Variants in SCMH1 observed in about 807,000 individuals in gnomAD.
SCMH1 encodes polycomb protein SCMH1.
A neutral mutation model predicts 70.8 loss-of-function variants in SCMH1; 37 were observed. The ratio of observed to expected loss-of-function variants is 0.52; its 90% confidence interval spans 0.40 to 0.69. The LOEUF (loss-of-function observed/expected upper bound fraction) is 0.69, where lower values mean the gene tolerates loss of function less well. SCMH1 is among the 30% of genes least tolerant of loss of function. SCMH1 has a pLI of 0.00. For missense variants in SCMH1, 607 were observed against 827.3 expected, an observed-to-expected ratio of 0.73 and a Z score of 3.27; for synonymous variants, 292 against 307.4, an observed-to-expected ratio of 0.95 and a Z score of 0.52.
At chr1:41,032,038 G>T (rs1027449564) in intron 13 of SCMH1, among the ~76,000 whole-genome samples, 4 of 152,138 alleles carry the variant, frequency 2.6e-5, no homozygotes, top group Non-Finnish European at 5.9e-5. Flanking sequence ...CCCTTTGGCT[G>T]TGCGAGGTTA....
chr1:41,102,084 A>G (rs1666776724), intron 8 of SCMH1, among the ~76,000 whole-genome samples: 1 of 152,242 alleles, frequency 6.6e-6, no homozygotes, highest in Non-Finnish European at 1.5e-5. Context: ...ATTTATCATC[A>G]GATTTCTCGT....
At chr1:41,206,391 T>C (rs772526641) in intron 1 of SCMH1, among the ~76,000 whole-genome samples, 6 of 152,104 alleles carry the variant, frequency 3.9e-5, no homozygotes, top group Non-Finnish European at 8.8e-5. Flanking sequence ...GAGAACTTCA[T>C]GACACATGCA....
At chr1:41,237,785 A>C (rs1451416013) in intron 1 of SCMH1, among the ~76,000 whole-genome samples, 2 of 152,186 alleles carry the variant, frequency 1.3e-5, no homozygotes, top group East Asian at 3.8e-4. Context: ...AAATGCTTAG[A>C]AATGACAGCT....
At chr1:41,051,575 A>T (rs983021313) in intron 10 of SCMH1, among the ~76,000 whole-genome samples, 1 of 152,178 alleles carries the variant, frequency 6.6e-6, no homozygotes, top group Non-Finnish European at 1.5e-5. Flanking sequence ...GATGATCCTG[A>T]TCTTGTGTAG....
intron 13 of SCMH1, among the ~76,000 whole-genome samples, chr1:41,032,928 G>A (rs111423979): frequency 0.078 from 11,677 of 150,118 alleles, 579 homozygotes; most frequent in South Asian, 0.12. Context: ...GCAGTGAGCC[G>A]AGATTGCGCC....
At chr1:41,114,661 TTCTC>T (rs61013208) in intron 7 of SCMH1, among the ~76,000 whole-genome samples, 20 of 148,276 alleles carry the variant, frequency 1.3e-4, no homozygotes, top group South Asian at 6.5e-4. Context: ...AAGATTTCCT[TTCTC>T]TCTCTCTCTC....
chr1:41,206,707 C>T (rs1004889459), intron 1 of SCMH1, among the ~76,000 whole-genome samples: 4 of 152,120 alleles, frequency 2.6e-5, no homozygotes, highest in Admixed American at 6.5e-5. Context: ...CAAAGATACT[C>T]CTTGAGAAGA....
intron 1 of SCMH1, among the ~76,000 whole-genome samples, chr1:41,200,908 A>G (rs1202931934): frequency 6.6e-6 from 1 of 150,950 alleles, no homozygotes; most frequent in Non-Finnish European, 1.5e-5. Context: ...GCGGACAGAT[A>G]AGAGATTACT....
chr1:41,232,044 T>G (rs894308575), intron 1 of SCMH1, among the ~76,000 whole-genome samples: 1 of 151,886 alleles, frequency 6.6e-6, no homozygotes, highest in Admixed American at 6.6e-5. Context: ...AAAAGAAATT[T>G]TATAAAATGT....
At chr1:41,080,397 T>A (rs1198443934) in intron 8 of SCMH1, among the ~76,000 whole-genome samples, 3 of 151,976 alleles carry the variant, frequency 2.0e-5, no homozygotes, top group Admixed American at 6.6e-5. Context: ...ATAACCCTCA[T>A]ACCAAAACAT....
chr1:41,236,792 G>A (rs2148935110), intron 1 of SCMH1, among the ~76,000 whole-genome samples: 1 of 152,238 alleles, frequency 6.6e-6, no homozygotes, highest in Non-Finnish European at 1.5e-5. Context: ...ATTGTTTAGG[G>A]AATAATGACA....
At chr1:41,135,137 C>A (rs938175600) in intron 6 of SCMH1, among the ~76,000 whole-genome samples, 3 of 152,070 alleles carry the variant, frequency 2.0e-5, no homozygotes, top group Non-Finnish European at 2.9e-5. Context: ...TATACATCTG[C>A]ATGTGTGTGT....
chr1:41,184,698 T>C (rs769695477), intron 2 of SCMH1, among the ~76,000 whole-genome samples: 2 of 152,070 alleles, frequency 1.3e-5, no homozygotes, highest in Non-Finnish European at 2.9e-5. Flanking sequence ...TGTGGAGGAT[T>C]GGTTATACAC....
At chr1:41,218,668 T>C (rs1557852068) in intron 1 of SCMH1, among the ~76,000 whole-genome samples, 1 of 152,218 alleles carries the variant, frequency 6.6e-6, no homozygotes, top group Non-Finnish European at 1.5e-5. Context: ...CACCTCTTAA[T>C]ACTACCTAAT....
intron 9 of SCMH1, 110 bp from the exon 10 acceptor site, chr1:41,070,831 T>C: frequency 1.5e-6 from 2 of 1,317,488 alleles, no homozygotes; most frequent in Non-Finnish European, 2.1e-6. Flanking sequence ...GATGGAATAG[T>C]GTTTTATCTT....
chr1:41,156,797 C>T (rs11209596), intron 4 of SCMH1, among the ~76,000 whole-genome samples: 1,883 of 152,062 alleles, frequency 0.012, 48 homozygotes, highest in African/African-American at 0.044. Flanking sequence ...TTTGATACAA[C>T]ATATATATTG....
At chr1:41,088,139 A>G (rs1376240200) in intron 8 of SCMH1, among the ~76,000 whole-genome samples, 3 of 152,164 alleles carry the variant, frequency 2.0e-5, no homozygotes, top group Non-Finnish European at 4.4e-5. Flanking sequence ...AGAAGAAAGC[A>G]AAGTACAAAA....
chr1:41,103,154 CAG>C (rs1353572975), intron 8 of SCMH1, among the ~76,000 whole-genome samples: 1 of 149,948 alleles, frequency 6.7e-6, no homozygotes, highest in Non-Finnish European at 1.5e-5. Context: ...TTCTTTAAGA[CAG>C]AGTCTCACTC....
At position 41,154,173 on chromosome 1, in the gene SCMH1, T is replaced by C. The variant is rs541553372; in HGVS notation, c.107-2489A>G. 1.1e-4 allele frequency among the ~76,000 whole-genome samples: 17 copies of C among 152,370 alleles called. No individual in the cohort carries two copies. The South Asian group carries it at 2.9e-3, about 26-fold the overall frequency. On this transcript the variant is annotated intron_variant, in intron 4 of 14. Transcript: ENST00000337495. ...ATCATTGACTCTCAAGTGATACTTATAGTCTCATTTCTTTAAACAAAGTTC... is the reference window on the plus strand; with the variant it reads ...ATCATTGACTCTCAAGTGATACTTACAGTCTCATTTCTTTAAACAAAGTTC...
Sources: allele counts gnomAD v4.1 joint callset (sites outside exome capture counted in the v4.1 genomes callset), GRCh38; gene constraint gnomAD v4.1.1; transcripts MANE v1.5; gene names NCBI Gene and HGNC (gene_info 2026-07-23, HGNC 2026-07-21).